Variants in PADI2 observed in about 807,000 individuals in gnomAD.
PADI2 encodes the protein protein-arginine deiminase type-2.
Under a neutral mutation model 81.1 loss-of-function variants are expected in PADI2, and 70 were observed. That is an observed-to-expected ratio of 0.86 (90% CI 0.71 to 1.05). The LOEUF is 1.05. PADI2 is among the 50% of genes least tolerant of loss of function. PADI2 has a pLI of 0.00. For synonymous variants in PADI2, 338 were observed against 358.0 expected, an observed-to-expected ratio of 0.94 and a Z score of 0.63; for missense variants, 853 against 889.9, an observed-to-expected ratio of 0.96 and a Z score of 0.53.
chr1:17,075,378 T>A, intron 12 of PADI2: 1 of 380,544 alleles, frequency 2.6e-6, no homozygotes, highest in Non-Finnish European at 4.8e-6. Flanking sequence ...GTGGCTAGTC[T>A]GAATTTAGGT....
chr1:17,075,086 G>A (rs565858861), intron 12 of PADI2, 137 bp from the exon 13 acceptor site: 58 of 560,696 alleles, frequency 1.0e-4, no homozygotes, highest in African/African-American at 2.7e-4. Context: ...AAAGGCTGAC[G>A]GGGAGGGTGT....
chr1:17,079,437 G>A (rs377609714), intron 10 of PADI2, 22 bp from the exon 11 acceptor site: 1 of 1,602,140 alleles, frequency 6.2e-7, no homozygotes. Flanking sequence ...GCACACACCT[G>A]CGTTAGTCTT....
Position 17,119,300 on chromosome 1 carries a change from G to A in PADI2, c.72C>T (p.Tyr24=). Reference sequence around the variant, plus strand: ...CTCACCTGTAGACATCGGTCCAGAGGTAGGTGCCCAGCACGTACACCGCCT... The same window carrying A: ...CTCACCTGTAGACATCGGTCCAGAGATAGGTGCCCAGCACGTACACCGCCT... ...RVEAVYVLGT[Y]LWTDVYSAAP... The change falls in exon 1 of 16, where the codon TAC becomes TAT. Residue 24 remains tyrosine, a synonymous_variant. Coordinates refer to ENST00000375486, the MANE Select transcript of PADI2 (RefSeq NM_007365.3). This position sits in a 1 kb window ranked among gnomAD's most constrained non-coding sequence, Gnocchi z 4.8. The A allele has an allele frequency of 6.4e-7, 1 of 1,559,406 alleles. No homozygotes were observed. The highest frequency in any genetic ancestry group is 1.2e-5 in the South Asian group (1 of 84,620).
chr1:17,079,501 G>A (rs768301413), intron 10 of PADI2, 86 bp from the exon 11 acceptor site: 10 of 1,167,606 alleles, frequency 8.6e-6, no homozygotes, highest in Non-Finnish European at 1.2e-5. Flanking sequence ...ATCACCTTCA[G>A]TCTGGGTCTG....
chr1:17,108,410 C>T (rs978975828), intron 1 of PADI2, among the ~76,000 whole-genome samples: 5 of 152,136 alleles, frequency 3.3e-5, no homozygotes, highest in Non-Finnish European at 7.4e-5. Context: ...AGGACTGCCA[C>T]CCTCCTGCCC....
Position 17,092,390 on chromosome 1 carries a change from TG to T in PADI2, c.655+17del, listed in dbSNP as rs1426037565. The T allele has an allele frequency of 6.3e-7, 1 of 1,587,092 alleles. No individual in the cohort carries two copies. The highest frequency in any genetic ancestry group is 1.4e-5 in the African/African-American group (1 of 72,926). ...GTGGCTAGAAAGGTCTAGGCTGGACTGGGCTGGGATCACTCACTCTCCACGT... is the reference window on the plus strand; with the variant it reads ...GTGGCTAGAAAGGTCTAGGCTGGACTGGCTGGGATCACTCACTCTCCACGT... On this transcript the variant is annotated intron_variant, in intron 6 of 15. Transcript: ENST00000375486.
intron 1 of PADI2, among the ~76,000 whole-genome samples, chr1:17,112,828 C>A (rs2100216936): frequency 6.6e-6 from 1 of 152,338 alleles, no homozygotes; most frequent in East Asian, 1.9e-4. Flanking sequence ...TGACTCCCTG[C>A]TACTTACAGA....
chr1:17,086,450 T>C, intron 7 of PADI2, 71 bp downstream of exon 7: 2 of 1,301,288 alleles, frequency 1.5e-6, no homozygotes, highest in South Asian at 2.8e-5. Flanking sequence ...AGCATAGGAA[T>C]GGCCCACTAG....
chr1:17,079,342 A>G lies in PADI2; in HGVS notation c.1232T>C (p.Leu411Pro), dbSNP rs1314231882. Residue 411 changes from leucine (L) to proline (P), a missense_variant, in exon 11 of 16, where the codon CTG becomes CCG. Transcript: ENST00000375486. ...SVTSLDSFGNLEVSPPVTVNG... is the reference protein window; with the variant it reads ...SVTSLDSFGNPEVSPPVTVNG... Reference sequence around the variant, plus strand: ...CACGGTCACTGGGGGACTGACCTCCAGGTTTCCAAATGAGTCAAGGCTGGT... The same window carrying G: ...CACGGTCACTGGGGGACTGACCTCCGGGTTTCCAAATGAGTCAAGGCTGGT... 2.1e-5 allele frequency: 34 copies of G among 1,614,084 alleles called. No homozygotes were observed. Among genetic ancestry groups the G allele is most frequent in the Non-Finnish European group, 2.8e-5 (33 of 1,179,940 alleles).
Position 17,095,921 on chromosome 1 carries a change from G to A in PADI2, c.399C>T (p.Asn133=). ...DADRDGVVEK[N]NPKKASWTWG... ...GAAAGCTAGGTACCTTCTTTGGGTT[G>A]TTCTTCTCCACCACACCATCCCGGT... is the stretch of plus-strand genomic sequence containing the variant. Residue 133 remains asparagine (N), a synonymous_variant, in exon 4 of 16, where the codon AAC becomes AAT. Transcript: ENST00000375486. 2 of 1,608,552 alleles carry A rather than the reference G, an allele frequency of 1.2e-6. No homozygotes were observed. The highest frequency in any genetic ancestry group is 1.1e-5 in the South Asian group (1 of 89,210).
Position 17,070,104 on chromosome 1 carries a change from G to A in PADI2, c.1748C>T (p.Ala583Val), listed in dbSNP as rs1463348559. Residue 583 changes from alanine to valine, a missense_variant, in exon 15 of 16, where the codon GCC (alanine) becomes GTC (valine). Coordinates refer to ENST00000375486, the MANE Select transcript of PADI2 (RefSeq NM_007365.3). ...GGGCCTCACCATGTTTGGGAAGAAG[G>A]CTCTGGCACGGTGGTCCTCGTCCAT... Reference protein sequence around the residue: ...FKMDEDHRARAFFPNMVNMIV... With the variant: ...FKMDEDHRARVFFPNMVNMIV... 6.2e-6 allele frequency: 10 copies of A among 1,614,008 alleles called. No homozygotes were observed. The highest frequency in any genetic ancestry group is 8.5e-6 in the Non-Finnish European group (10 of 1,179,916).
intron 1 of PADI2, among the ~76,000 whole-genome samples, chr1:17,114,586 C>A (rs1427533667): frequency 6.6e-6 from 1 of 151,600 alleles, no homozygotes; most frequent in Non-Finnish European, 1.5e-5. Context: ...TGTTGAGAAG[C>A]CTGCACAAAA....
chr1:17,078,389 G>A (rs571985760), intron 11 of PADI2, among the ~76,000 whole-genome samples: 6 of 151,852 alleles, frequency 4.0e-5, no homozygotes, highest in Non-Finnish European at 8.8e-5. Flanking sequence ...GGGATTACAG[G>A]CGTGAGCCAC....
chr1:17,097,056 G>A (rs1308999113), intron 3 of PADI2, among the ~76,000 whole-genome samples: 1 of 152,156 alleles, frequency 6.6e-6, no homozygotes, highest in Admixed American at 6.5e-5. Flanking sequence ...GGAGACGGAT[G>A]AGGTCGAGTA....
chr1:17,099,526 T>G (rs1321255332), intron 3 of PADI2, among the ~76,000 whole-genome samples: 1 of 152,102 alleles, frequency 6.6e-6, no homozygotes. Context: ...TTGTAAAAAG[T>G]GAGTCCTAGT....
intron 13 of PADI2, 90 bp downstream of exon 13, chr1:17,074,766 G>A (rs1460854195): frequency 4.1e-6 from 3 of 733,934 alleles, no homozygotes; most frequent in Admixed American, 4.7e-5. Flanking sequence ...TGGGTGCTCA[G>A]GGACAAAGTG....
chr1:17,079,113 T>C (rs977327611), intron 11 of PADI2, 151 bp downstream of exon 11: 98 of 605,718 alleles, frequency 1.6e-4, no homozygotes, highest in Non-Finnish European at 2.5e-4. Flanking sequence ...TGATTTTCTT[T>C]CCAAGAGTGT....
rs541935460 is a variant in PADI2 at position 17,118,486 on chromosome 1, G to C, written c.92+794C>G. On this transcript the variant is annotated intron_variant, in intron 1 of 15. Transcript: ENST00000375486. Reference sequence around the variant, plus strand: ...GACTTGGCTGCTTTCTGGGATTGCGGGGGGAGTGGTAGGGCCCTACCCTAC... The same window carrying C: ...GACTTGGCTGCTTTCTGGGATTGCGCGGGGAGTGGTAGGGCCCTACCCTAC... 2.2e-3 allele frequency among the ~76,000 whole-genome samples: 342 copies of C among 152,222 alleles called. 2 individuals are homozygous for C. Among genetic ancestry groups the C allele is most frequent in the Non-Finnish European group, 4.0e-3 (274 of 68,008 alleles).
chr1:17,119,211 G>T lies in PADI2; in HGVS notation c.92+69C>A. 8.8e-7 allele frequency: 1 copy of T among 1,133,248 alleles called. No homozygotes were observed. Among genetic ancestry groups the T allele is most frequent in the Non-Finnish European group, 1.3e-6 (1 of 795,648 alleles). 70.2% of individuals were successfully genotyped at this position (1,133,248 alleles called of 1,614,324 possible). On this transcript the variant is annotated intron_variant, in intron 1 of 15. Transcript: ENST00000375486. This position sits in a 1 kb window ranked among gnomAD's most constrained non-coding sequence, Gnocchi z 4.8. ...CTGGACAAAGGCTGTCCACGTCCCC[G>T]AGTCTGAGCGCGTCTCAGGATTTCT...
Sources: allele counts gnomAD v4.1 joint callset (sites outside exome capture counted in the v4.1 genomes callset), GRCh38; gene constraint gnomAD v4.1.1; non-coding constraint Gnocchi (gnomAD v3.1); transcripts MANE v1.5; gene names NCBI Gene and HGNC (gene_info 2026-07-23, HGNC 2026-07-21).